The following SLC24A3 variants were observed in gnomAD, a reference collection of about 807,000 sequenced individuals.
The protein encoded by SLC24A3 is solute carrier family 24 member 3.
A neutral mutation model predicts 75.8 loss-of-function variants in SLC24A3; 28 were observed. The ratio of observed to expected loss-of-function variants is 0.37; its 90% CI spans 0.27 to 0.51. SLC24A3 has a LOEUF of 0.51. SLC24A3 is among the 20% of genes least tolerant of loss of function. SLC24A3 has a pLI of 0.94. For synonymous variants in SLC24A3, 372 were observed against 334.1 expected, an observed-to-expected ratio of 1.11 and a Z score of -1.24; for missense variants, 663 against 847.8, an observed-to-expected ratio of 0.78 and a Z score of 2.71.
At chr20:19,402,064 C>CA (rs1986561340) in intron 2 of SLC24A3, among the ~76,000 whole-genome samples, 1 of 152,102 alleles carries the variant, frequency 6.6e-6, no homozygotes, top group Non-Finnish European at 1.5e-5. Context: ...GCAGGGGCTA[C>CA]ATGGGGACAA....
At chr20:19,714,835 C>T (rs551364930) in intron 15 of SLC24A3, among the ~76,000 whole-genome samples, 36 of 152,300 alleles carry the variant, frequency 2.4e-4, no homozygotes, top group African/African-American at 8.7e-4. Flanking sequence ...AACAGGATTC[C>T]TTTTGAAAAT....
chr20:19,620,444 T>G, intron 6 of SLC24A3, among the ~76,000 whole-genome samples: 1 of 152,082 alleles, frequency 6.6e-6, no homozygotes, highest in Non-Finnish European at 1.5e-5. Flanking sequence ...GGGTGAGAGA[T>G]TAGGCGTTAT....
At chr20:19,624,870 A>G (rs2031848975) in intron 6 of SLC24A3, among the ~76,000 whole-genome samples, 1 of 152,230 alleles carries the variant, frequency 6.6e-6, no homozygotes, top group African/African-American at 2.4e-5. Flanking sequence ...TATGTCACAA[A>G]CTATTCCAAG....
chr20:19,642,415 GA>G (rs1486281334), intron 6 of SLC24A3, among the ~76,000 whole-genome samples: 1 of 152,190 alleles, frequency 6.6e-6, no homozygotes, highest in Non-Finnish European at 1.5e-5. Flanking sequence ...GTGGAAAACT[GA>G]AATGAGGAAG....
chr20:19,222,325 A>G (rs1981737298), intron 1 of SLC24A3, among the ~76,000 whole-genome samples: 1 of 152,104 alleles, frequency 6.6e-6, no homozygotes, highest in African/African-American at 2.4e-5. Context: ...TGCTTTCTTC[A>G]GATGTCAGGG....
intron 2 of SLC24A3, among the ~76,000 whole-genome samples, chr20:19,309,120 A>G (rs559513275): frequency 6.6e-6 from 1 of 152,248 alleles, no homozygotes; most frequent in African/African-American, 2.4e-5. Context: ...ACTACTTCCT[A>G]GGTTTGTCTA....
intron 6 of SLC24A3, among the ~76,000 whole-genome samples, chr20:19,606,127 C>A (rs377655473): frequency 1.3e-5 from 2 of 152,240 alleles, no homozygotes; most frequent in African/African-American, 4.8e-5. Context: ...TGGCAGCACA[C>A]CCAAAACTGT....
chr20:19,617,637 G>A (rs547353203), intron 6 of SLC24A3, among the ~76,000 whole-genome samples: 22 of 152,306 alleles, frequency 1.4e-4, no homozygotes, highest in East Asian at 1.2e-3. Context: ...GCAGGAGGGC[G>A]GCTTGGGCTT....
intron 2 of SLC24A3, among the ~76,000 whole-genome samples, chr20:19,369,230 C>G (rs749857926): frequency 1.3e-5 from 2 of 152,180 alleles, no homozygotes; most frequent in Non-Finnish European, 2.9e-5. Context: ...TTGCAGTTAG[C>G]GTCACCAGTG....
chr20:19,539,784 TAC>T (rs2030463966), intron 3 of SLC24A3, among the ~76,000 whole-genome samples: 1 of 152,160 alleles, frequency 6.6e-6, no homozygotes, highest in African/African-American at 2.4e-5. Context: ...TTTTGACACT[TAC>T]GTTTGATGAA....
At chr20:19,479,318 CTCT>C (rs1420255649) in intron 2 of SLC24A3, among the ~76,000 whole-genome samples, 1 of 152,244 alleles carries the variant, frequency 6.6e-6, no homozygotes, top group Non-Finnish European at 1.5e-5. Context: ...TTGCACACAG[CTCT>C]TCTTGGCTTT....
chr20:19,574,205 G>A (rs753558475), intron 3 of SLC24A3, among the ~76,000 whole-genome samples: 2 of 152,184 alleles, frequency 1.3e-5, no homozygotes, highest in South Asian at 4.1e-4. Context: ...ACATATAAAT[G>A]TGATTTCAGC....
intron 1 of SLC24A3, among the ~76,000 whole-genome samples, chr20:19,261,257 G>A (rs1292061914): frequency 2.0e-5 from 3 of 152,208 alleles, no homozygotes; most frequent in Admixed American, 1.3e-4. Context: ...TCCTGATGGA[G>A]ACATGATGTG....
chr20:19,705,918 A>T (rs1372902393), intron 15 of SLC24A3, among the ~76,000 whole-genome samples: 1 of 152,206 alleles, frequency 6.6e-6, no homozygotes, highest in Non-Finnish European at 1.5e-5. Flanking sequence ...TCTAAAAGTC[A>T]AAGTTTGGAA....
At position 19,298,770 on chromosome 20, in the gene SLC24A3, A is replaced by G. The variant is rs373182614; in HGVS notation, c.271+17683A>G. Among the ~76,000 whole-genome samples, 20 of 152,348 alleles carry G rather than the reference A, an allele frequency of 1.3e-4. 1 individual carries two copies. In the South Asian group the frequency reaches 4.1e-3, roughly 32 times the overall value. ...CAATGAAATAGTTGGTATCATTCCC[A>G]GTTACCACTGTGAGCAACTCAGTTT... is the stretch of plus-strand genomic sequence containing the variant. On this transcript the variant is annotated intron_variant, in intron 2 of 16. Transcript: ENST00000328041.
chr20:19,320,765 G>A (rs1425969314), intron 2 of SLC24A3, among the ~76,000 whole-genome samples: 4 of 152,018 alleles, frequency 2.6e-5, no homozygotes, highest in Non-Finnish European at 5.9e-5. Context: ...CTATTGCAAT[G>A]TAAATGCTAT....
At chr20:19,289,711 C>G (rs1015717576) in intron 2 of SLC24A3, among the ~76,000 whole-genome samples, 3 of 140,794 alleles carry the variant, frequency 2.1e-5, no homozygotes, top group African/African-American at 9.8e-5. Flanking sequence ...CATGTCTCTA[C>G]TCCCTGGGGT....
At chr20:19,525,854 C>A (rs948556624) in intron 3 of SLC24A3, among the ~76,000 whole-genome samples, 4 of 152,184 alleles carry the variant, frequency 2.6e-5, no homozygotes, top group African/African-American at 7.2e-5. Flanking sequence ...TTCTTCCCAG[C>A]CCCTCATTCC....
intron 2 of SLC24A3, among the ~76,000 whole-genome samples, chr20:19,472,640 T>C (rs1353944626): frequency 6.6e-6 from 1 of 152,216 alleles, no homozygotes; most frequent in Non-Finnish European, 1.5e-5. Context: ...AACTCTGGAA[T>C]AGTTTATGTC....
Sources: allele counts gnomAD v4.1 joint callset (sites outside exome capture counted in the v4.1 genomes callset), GRCh38; gene constraint gnomAD v4.1.1; transcripts MANE v1.5; gene names NCBI Gene and HGNC (gene_info 2026-07-23, HGNC 2026-07-21).